SIPA1L2: variants seen among roughly 807,000 people sequenced by gnomAD.
SIPA1L2 encodes signal-induced proliferation-associated 1-like protein 2.
SIPA1L2 carries 56 observed loss-of-function variants against 163.9 expected under a neutral mutation model. That is an observed-to-expected ratio of 0.34 (90% CI 0.28 to 0.43). SIPA1L2 has a LOEUF of 0.43. Among genes scored for constraint, SIPA1L2 ranks in the 20% least tolerant of loss-of-function variants. The probability of loss-of-function intolerance (pLI) is 1.00; values close to 1 mark genes in which losing one functional copy is unlikely to be tolerated. For missense variants in SIPA1L2, 1,974 were observed against 2,193.5 expected (o/e 0.90, Z 2.00); for synonymous variants, 877 against 865.7 (o/e 1.01, Z -0.23).
At chr1:232,421,346 T>C (rs908698327) in intron 18 of SIPA1L2, among the ~76,000 whole-genome samples, 4 of 152,216 alleles carry the variant, frequency 2.6e-5, no homozygotes, top group African/African-American at 9.7e-5. Context: ...TCTTGTGGCT[T>C]CCCGTCTGTT....
chr1:232,415,181 C>T (rs1661175115), intron 19 of SIPA1L2, among the ~76,000 whole-genome samples: 1 of 152,188 alleles, frequency 6.6e-6, no homozygotes, highest in Non-Finnish European at 1.5e-5. Context: ...GCAAGGTGCT[C>T]TCCATACAAT....
Position 232,425,747 on chromosome 1 carries a change from C to T in SIPA1L2, c.4472G>A (p.Ser1491Asn). The change falls in exon 18 of 23, where the codon AGC becomes AAC. Residue 1491 changes from serine (S) to asparagine (N), a missense_variant. Ser to Asn is a conservative substitution (Grantham distance 46). This residue lies in a region of SIPA1L2 where 1,079 missense variants were observed against 1,150.7 expected (regional missense o/e 0.94). Transcript: ENST00000674635. ...RSLYRTLSDE[S>N]ICSNRRGSSF... The stretch of plus-strand genomic sequence containing the variant: ...GGACCCCCTCCTGTTGCTGCAGATG[C>T]TCTCGTCAGACAGCGTGCGGTAAAG... The T allele has an allele frequency of 6.2e-7, 1 of 1,614,120 alleles. No individual in the cohort carries two copies.
chr1:232,482,829 C>T (rs894437003), intron 6 of SIPA1L2, among the ~76,000 whole-genome samples: 1 of 152,194 alleles, frequency 6.6e-6, no homozygotes. Flanking sequence ...AATCCCAGCT[C>T]GGCCACACCC....
At chr1:232,546,798 C>T (rs1658056778) in intron 2 of SIPA1L2, among the ~76,000 whole-genome samples, 2 of 152,138 alleles carry the variant, frequency 1.3e-5, no homozygotes, top group African/African-American at 4.8e-5. Context: ...AAGAGATAAC[C>T]GCACAGCACT....
At chr1:232,630,359 C>G (rs1479411256), upstream of SIPA1L2, among the ~76,000 whole-genome samples, 1 of 152,042 alleles carries the variant, frequency 6.6e-6, no homozygotes, top group Non-Finnish European at 1.5e-5. Flanking sequence ...GCCCGGACGC[C>G]CTTCTTGGGG....
At chr1:232,568,384 C>T (rs1246369920) in intron 2 of SIPA1L2, among the ~76,000 whole-genome samples, 1 of 152,196 alleles carries the variant, frequency 6.6e-6, no homozygotes, top group Non-Finnish European at 1.5e-5. Flanking sequence ...TAATTGCTTG[C>T]TTGGTGTGGG....
chr1:232,556,030 G>A (rs1241979645), intron 2 of SIPA1L2, among the ~76,000 whole-genome samples: 1 of 152,226 alleles, frequency 6.6e-6, no homozygotes, highest in African/African-American at 2.4e-5. Context: ...GAGCCATGAA[G>A]AGCTAACACA....
chr1:232,589,340 T>C (rs773896480), intron 1 of SIPA1L2, among the ~76,000 whole-genome samples: 1 of 152,232 alleles, frequency 6.6e-6, no homozygotes, highest in Admixed American at 6.5e-5. Context: ...TAACACAGTA[T>C]GTAAATTCAC....
At chr1:232,489,715 TA>T (rs1553298871) in intron 5 of SIPA1L2, among the ~76,000 whole-genome samples, 2 of 152,210 alleles carry the variant, frequency 1.3e-5, no homozygotes, top group Non-Finnish European at 2.9e-5. Flanking sequence ...ATATTCCCTC[TA>T]AAACATGCAG....
At chr1:232,475,528 T>C (rs141147754) in intron 7 of SIPA1L2, among the ~76,000 whole-genome samples, 113 of 152,344 alleles carry the variant, frequency 7.4e-4, no homozygotes, top group African/African-American at 2.7e-3. Context: ...AAAAGCATTC[T>C]AAATAATAAC....
At chr1:232,421,244 G>A (rs959953458) in intron 18 of SIPA1L2, among the ~76,000 whole-genome samples, 8 of 152,090 alleles carry the variant, frequency 5.3e-5, no homozygotes, top group Non-Finnish European at 1.5e-5. Context: ...TCAGCCTTTC[G>A]AGAGACTCAT....
chr1:232,612,529 G>A (rs1181582641), intron 1 of SIPA1L2, among the ~76,000 whole-genome samples: 1 of 152,220 alleles, frequency 6.6e-6, no homozygotes, highest in African/African-American at 2.4e-5. Flanking sequence ...GAGACCTGGA[G>A]TCAAAGGAGA....
chr1:232,553,921 C>T (rs567389845), intron 2 of SIPA1L2, among the ~76,000 whole-genome samples: 2 of 152,170 alleles, frequency 1.3e-5, no homozygotes, highest in Admixed American at 1.3e-4. Flanking sequence ...ATTCTGATAA[C>T]CCATGTTCAT....
intron 19 of SIPA1L2, among the ~76,000 whole-genome samples, chr1:232,414,311 A>T (rs1661124601): frequency 6.6e-6 from 1 of 152,190 alleles, no homozygotes; most frequent in Admixed American, 6.5e-5. Context: ...TCAGGACCAG[A>T]GGCACTGATA....
At chr1:232,449,517 CAAAAAAAA>C (rs33934850) in intron 10 of SIPA1L2, among the ~76,000 whole-genome samples, 13 of 80,070 alleles carry the variant, frequency 1.6e-4, no homozygotes, top group Non-Finnish European at 3.4e-4. Context: ...GACTCCGTCT[CAAAAAAAA>C]AAAAAAAAAA....
chr1:232,399,047 C>G lies in SIPA1L2; in HGVS notation c.*80G>C. 2 of 1,585,690 alleles carry G rather than the reference C, an allele frequency of 1.3e-6. No individual in the cohort carries two copies. Among genetic ancestry groups the G allele is most frequent in the East Asian group, 4.5e-5 (2 of 44,456 alleles). ...AAAAACATCTACGATTGGTTGAAAG[C>G]ACACAGAAAAACCACATGTTTGTGA... On this transcript the variant is annotated 3_prime_UTR_variant, in exon 23 of 23. Coordinates refer to ENST00000674635, the MANE Select transcript of SIPA1L2 (RefSeq NM_020808.5).
intron 2 of SIPA1L2, among the ~76,000 whole-genome samples, chr1:232,562,923 T>C (rs1433457668): frequency 6.6e-6 from 1 of 152,190 alleles, no homozygotes; most frequent in Non-Finnish European, 1.5e-5. Context: ...GCAAGCTGTG[T>C]CGAGAGAACC....
rs867113894 is a variant in SIPA1L2 at position 232,403,664 on chromosome 1, T to C, written c.4817-93A>G. 30 of 1,461,188 alleles carry C rather than the reference T, an allele frequency of 2.1e-5. No homozygotes were observed. The Middle Eastern group carries it at 5.4e-4, about 26-fold the overall frequency. 90.5% of individuals were successfully genotyped at this position (1,461,188 alleles called of 1,614,324 possible). On this transcript the variant is annotated intron_variant, in intron 20 of 22. Coordinates refer to ENST00000674635, the MANE Select transcript of SIPA1L2 (RefSeq NM_020808.5). ...GAAATGCAATAGCTAAATAAAATCT[T>C]TTCCCCCCTTCAAACCAGTTACTGC...
chr1:232,531,513 G>A (rs12040055), intron 2 of SIPA1L2, among the ~76,000 whole-genome samples: 3 of 152,234 alleles, frequency 2.0e-5, no homozygotes, highest in East Asian at 1.9e-4. Flanking sequence ...CAACAAATAC[G>A]TATACGTGAC....
Sources: gnomAD v4.1 joint callset for allele counts (sites outside exome capture counted in the v4.1 genomes callset) on GRCh38, gnomAD v4.1.1 for gene constraint, gnomAD v4.1.1 regional missense constraint, MANE v1.5 for transcripts, NCBI Gene and HGNC (gene_info 2026-07-23, HGNC 2026-07-21) for gene names.